PRR16: variants seen among roughly 807,000 people sequenced by gnomAD.
PRR16 encodes proline rich 16.
A neutral mutation model predicts 18.2 loss-of-function variants in PRR16; 6 were observed. That is an observed-to-expected ratio of 0.33 (90% CI 0.18 to 0.65). The LOEUF (loss-of-function observed/expected upper bound fraction) is 0.65, where lower values mean the gene tolerates loss of function less well. PRR16 is among the 30% of genes least tolerant of loss of function. PRR16 has a pLI of 0.74. For synonymous variants in PRR16, 151 were observed against 147.8 expected, an observed-to-expected ratio of 1.02 and a Z score of -0.16; for missense variants, 412 against 376.6, an observed-to-expected ratio of 1.09 and a Z score of -0.78.
intron 1 of PRR16, chr5:120,658,114 T>TA (rs1385627520): frequency 6.6e-6 from 1 of 151,894 alleles, no homozygotes; most frequent in Admixed American, 6.6e-5. Flanking sequence ...TTAGTAGATT[T>TA]AAATTCAATT....
At chr5:120,475,087 G>T (rs1389025878) in intron 1 of PRR16, among the ~76,000 whole-genome samples, 2 of 152,170 alleles carry the variant, frequency 1.3e-5, no homozygotes, top group African/African-American at 4.8e-5. Context: ...CTCACTATGT[G>T]CCAGGGACTA....
intron 1 of PRR16, among the ~76,000 whole-genome samples, chr5:120,584,379 C>T (rs1218045184): frequency 3.3e-5 from 5 of 152,000 alleles, no homozygotes; most frequent in Admixed American, 2.0e-4. Flanking sequence ...GCATGTAGCA[C>T]GTAGTTGTAT....
chr5:120,660,360 A>G (rs1342767322), intron 1 of PRR16, among the ~76,000 whole-genome samples: 1 of 152,074 alleles, frequency 6.6e-6, no homozygotes, highest in Non-Finnish European at 1.5e-5. Flanking sequence ...AGCATGCCAC[A>G]GTGCCCTTTA....
At chr5:120,618,439 C>A in intron 1 of PRR16, 1 of 960,244 alleles carries the variant, frequency 1.0e-6, no homozygotes, top group Non-Finnish European at 1.2e-6. Flanking sequence ...TGTTTTTTAA[C>A]AGTTTGTTAG....
intron 1 of PRR16, among the ~76,000 whole-genome samples, chr5:120,597,512 G>A (rs1262744097): frequency 6.6e-6 from 1 of 151,604 alleles, no homozygotes; most frequent in Non-Finnish European, 1.5e-5. Flanking sequence ...TGTCATAGAA[G>A]CAGGAATAAA....
the PRR16 span, among the ~76,000 whole-genome samples, chr5:120,729,705 A>G: frequency 2.0e-5 from 3 of 152,176 alleles, no homozygotes; most frequent in African/African-American, 7.2e-5. Flanking sequence ...AGTATATCCA[A>G]ATGATATTGA....
chr5:120,515,124 C>T (rs116643165), intron 1 of PRR16, among the ~76,000 whole-genome samples: 218 of 152,282 alleles, frequency 1.4e-3, no homozygotes, highest in Non-Finnish European at 2.4e-3. Context: ...CTGGTGACAA[C>T]TTTCTTGCTG....
intron 1 of PRR16, among the ~76,000 whole-genome samples, chr5:120,556,767 G>T (rs1752426607): frequency 6.6e-6 from 1 of 151,858 alleles, no homozygotes; most frequent in Admixed American, 6.6e-5. Context: ...TGGAGAACTG[G>T]CTAGATTTCT....
intron 1 of PRR16, among the ~76,000 whole-genome samples, chr5:120,541,130 T>C (rs918668120): frequency 6.6e-6 from 1 of 151,904 alleles, no homozygotes; most frequent in Non-Finnish European, 1.5e-5. Flanking sequence ...GACTGTTTCG[T>C]TGTTGTTGTT....
chr5:120,485,496 G>C (rs545846552), intron 1 of PRR16, among the ~76,000 whole-genome samples: 5 of 152,326 alleles, frequency 3.3e-5, no homozygotes, highest in African/African-American at 1.2e-4. Context: ...TACAACATAT[G>C]CTGTTTGTTC....
At chr5:120,709,363 G>A in the PRR16 span, among the ~76,000 whole-genome samples, 2 of 151,934 alleles carry the variant, frequency 1.3e-5, no homozygotes, top group Non-Finnish European at 2.9e-5. Context: ...CAATTATATG[G>A]ATACACATTA....
the PRR16 span, among the ~76,000 whole-genome samples, chr5:120,716,337 T>C: frequency 6.6e-6 from 1 of 152,172 alleles, no homozygotes; most frequent in Non-Finnish European, 1.5e-5. Flanking sequence ...TCTTTTGTTT[T>C]TAACTCTTCT....
the PRR16 span, among the ~76,000 whole-genome samples, chr5:120,768,729 C>A: frequency 4.0e-5 from 6 of 151,648 alleles, no homozygotes; most frequent in East Asian, 9.7e-4. Context: ...TGATTAAAGT[C>A]AAAAAATATT....
intron 1 of PRR16, among the ~76,000 whole-genome samples, chr5:120,586,763 T>C (rs866888216): frequency 2.0e-5 from 3 of 152,126 alleles, no homozygotes; most frequent in Non-Finnish European, 2.9e-5. Context: ...ACAATAATAT[T>C]GAAATTTGAC....
the PRR16 span, among the ~76,000 whole-genome samples, chr5:120,780,401 AAC>A: frequency 6.6e-6 from 1 of 151,712 alleles, no homozygotes; most frequent in Non-Finnish European, 1.5e-5. Flanking sequence ...TGGTGATCTT[AAC>A]TAATTTAATT....
At chr5:120,627,744 G>T (rs1449785081) in intron 1 of PRR16, among the ~76,000 whole-genome samples, 2 of 152,138 alleles carry the variant, frequency 1.3e-5, no homozygotes, top group East Asian at 1.9e-4. Flanking sequence ...CTCTGATGGA[G>T]CTCCAAGTTA....
intron 1 of PRR16, among the ~76,000 whole-genome samples, chr5:120,494,277 A>G (rs1173680930): frequency 6.6e-6 from 1 of 152,100 alleles, no homozygotes; most frequent in Non-Finnish European, 1.5e-5. Context: ...CCTGATGGCA[A>G]TAATGTTTTA....
intron 1 of PRR16, chr5:120,481,069 T>G (rs545942953): frequency 5.8e-5 from 67 of 1,148,164 alleles, no homozygotes; most frequent in Non-Finnish European, 7.2e-5. Flanking sequence ...GGCAATACTT[T>G]GGCCCATCTA....
chr5:120,484,891 A>C (rs1042526438), intron 1 of PRR16, among the ~76,000 whole-genome samples: 1 of 151,482 alleles, frequency 6.6e-6, no homozygotes, highest in Non-Finnish European at 1.5e-5. Flanking sequence ...GTATACATAC[A>C]TATATTTTAA....
Sources: allele counts gnomAD v4.1 joint callset (sites outside exome capture counted in the v4.1 genomes callset), GRCh38; gene constraint gnomAD v4.1.1; transcripts MANE v1.5; gene names NCBI Gene and HGNC (gene_info 2026-07-23, HGNC 2026-07-21).